Variants in PCDH15 observed in about 807,000 individuals in gnomAD.
The protein encoded by PCDH15 is protocadherin related 15.
Under a neutral mutation model 178.5 loss-of-function variants are expected in PCDH15, and 129 were observed. The observed-to-expected ratio is 0.72, with a 90% confidence interval of 0.63 to 0.84. The LOEUF (loss-of-function observed/expected upper bound fraction) is 0.84, where lower values mean the gene tolerates loss of function less well. PCDH15 is among the 40% of genes least tolerant of loss of function. The pLI is 0.00. For synonymous variants in PCDH15, 800 were observed against 732.0 expected (o/e 1.09, Z -1.50); for missense variants, 2,230 against 2,099.9 (o/e 1.06, Z -1.21).
At chr10:54,124,699 T>C (rs1228967144) in intron 15 of PCDH15, among the ~76,000 whole-genome samples, 1 of 152,216 alleles carries the variant, frequency 6.6e-6, no homozygotes, top group Non-Finnish European at 1.5e-5. Flanking sequence ...ACGCACACTG[T>C]ACCTGAACCA....
At chr10:54,798,224 A>C (rs1021914229) in intron 1 of PCDH15, among the ~76,000 whole-genome samples, 1 of 151,892 alleles carries the variant, frequency 6.6e-6, no homozygotes, top group African/African-American at 2.4e-5. Context: ...TATGAGCACT[A>C]ATGAGTCACC....
chr10:54,975,135 A>G (rs1839036349), intron 2 of PCDH15, among the ~76,000 whole-genome samples: 1 of 152,284 alleles, frequency 6.6e-6, no homozygotes, highest in Non-Finnish European at 1.5e-5. Context: ...TATCTCCAAT[A>G]TATTCTCATT....
chr10:54,133,062 T>G (rs183293424), intron 14 of PCDH15, 55 bp from the exon 15 acceptor site: 4 of 1,609,708 alleles, frequency 2.5e-6, no homozygotes, highest in Non-Finnish European at 3.4e-6. Flanking sequence ...ACATTTAATG[T>G]TAGACTGCAT....
chr10:54,682,857 A>T (rs1029474809), intron 1 of PCDH15, among the ~76,000 whole-genome samples: 1 of 152,170 alleles, frequency 6.6e-6, no homozygotes, highest in Non-Finnish European at 1.5e-5. Flanking sequence ...AAGAAAACAG[A>T]AGCCCAGAGA....
intron 1 of PCDH15, among the ~76,000 whole-genome samples, chr10:55,308,244 A>C (rs147015819): frequency 6.6e-6 from 1 of 152,190 alleles, no homozygotes; most frequent in Non-Finnish European, 1.5e-5. Context: ...GTGTGTCTCT[A>C]TAACAAGCGG....
chr10:55,168,538 G>C (rs1564856842), intron 1 of PCDH15, among the ~76,000 whole-genome samples: 1 of 152,120 alleles, frequency 6.6e-6, no homozygotes, highest in Non-Finnish European at 1.5e-5. Context: ...GTACATTTGT[G>C]AACAGTGCTG....
At position 53,805,235 on chromosome 10, in the gene PCDH15, C is replaced by T. The variant is rs971268178; in HGVS notation, c.*1344G>A. On this transcript the variant is annotated 3_prime_UTR_variant, in exon 38 of 38. Coordinates refer to ENST00000644397, the MANE Select transcript of PCDH15 (RefSeq NM_001384140.1). ...CATGCATGAGGAAATTTCATTAAAA[C>T]CTGAACTTGGTCAATACTGTGCAAA... 6.6e-6 allele frequency: 1 copy of T among 152,132 alleles called. No individual in the cohort carries two copies. The highest frequency in any genetic ancestry group is 1.9e-4 in the East Asian group (1 of 5,174). 9.4% of individuals were successfully genotyped at this position (152,132 alleles called of 1,614,324 possible).
chr10:54,866,420 C>A (rs1953943502), intron 3 of PCDH15, among the ~76,000 whole-genome samples: 1 of 152,100 alleles, frequency 6.6e-6, no homozygotes, highest in African/African-American at 2.4e-5. Flanking sequence ...CAAGATGTCT[C>A]TTTTTCCTTG....
At chr10:55,579,791 A>T (rs1044824934) in intron 2 of PCDH15, among the ~76,000 whole-genome samples, 2 of 152,198 alleles carry the variant, frequency 1.3e-5, no homozygotes, top group East Asian at 3.9e-4. Context: ...TTACTTGAGC[A>T]ACGTATTGGG....
At chr10:54,995,041 C>G (rs1024711494) in intron 2 of PCDH15, among the ~76,000 whole-genome samples, 1 of 151,910 alleles carries the variant, frequency 6.6e-6, no homozygotes, top group Non-Finnish European at 1.5e-5. Flanking sequence ...AGGTAGTTAT[C>G]GTAGGTTTTA....
intron 2 of PCDH15, among the ~76,000 whole-genome samples, chr10:54,934,001 G>T (rs1327541589): frequency 1.3e-5 from 2 of 152,062 alleles, no homozygotes; most frequent in African/African-American, 2.4e-5. Context: ...AATGAATTAA[G>T]ATATAGAGAC....
At chr10:55,394,223 AT>A (rs11377560) in intron 2 of PCDH15, among the ~76,000 whole-genome samples, 1 of 150,480 alleles carries the variant, frequency 6.6e-6, no homozygotes, top group Non-Finnish European at 1.5e-5. Context: ...CTATAACACT[AT>A]TTTTTTTTAT....
At chr10:55,079,674 G>A (rs1841990144) in intron 2 of PCDH15, among the ~76,000 whole-genome samples, 1 of 152,164 alleles carries the variant, frequency 6.6e-6, no homozygotes, top group Non-Finnish European at 1.5e-5. Flanking sequence ...CATGGGCAAT[G>A]GCAGTAATGG....
chr10:55,005,127 C>T (rs561498708), intron 2 of PCDH15, among the ~76,000 whole-genome samples: 26 of 151,320 alleles, frequency 1.7e-4, no homozygotes, highest in African/African-American at 4.8e-4. Flanking sequence ...GTCCCAGCTA[C>T]GTGAAAAGCT....
intron 27 of PCDH15, among the ~76,000 whole-genome samples, chr10:53,862,879 A>G (rs1589141305): frequency 6.6e-6 from 1 of 152,318 alleles, no homozygotes; most frequent in South Asian, 2.1e-4. Context: ...ACTTTCGTTG[A>G]TAGGTTAGCT....
At chr10:54,984,297 C>T (rs1221736062) in intron 2 of PCDH15, among the ~76,000 whole-genome samples, 1 of 152,110 alleles carries the variant, frequency 6.6e-6, no homozygotes, top group African/African-American at 2.4e-5. Context: ...GCTAGAGCTC[C>T]TCTCCCCACG....
intron 2 of PCDH15, among the ~76,000 whole-genome samples, chr10:55,379,103 C>T (rs780206241): frequency 6.6e-6 from 1 of 150,482 alleles, no homozygotes; most frequent in Non-Finnish European, 1.5e-5. Context: ...CAGGCACATA[C>T]ATTGATATAT....
chr10:54,351,932 C>T (rs1944247302), intron 5 of PCDH15, among the ~76,000 whole-genome samples: 1 of 152,116 alleles, frequency 6.6e-6, no homozygotes, highest in Admixed American at 6.6e-5. Flanking sequence ...ACCTTATATT[C>T]ACGAAACCGA....
intron 7 of PCDH15, among the ~76,000 whole-genome samples, chr10:54,319,023 A>T (rs1591776447): frequency 6.6e-6 from 1 of 152,184 alleles, no homozygotes; most frequent in East Asian, 1.9e-4. Flanking sequence ...AATGTTTGTC[A>T]TAGGACAGAA....
Sources: allele counts gnomAD v4.1 joint callset (sites outside exome capture counted in the v4.1 genomes callset), GRCh38; gene constraint gnomAD v4.1.1; transcripts MANE v1.5; gene names NCBI Gene and HGNC (gene_info 2026-07-23, HGNC 2026-07-21).